The following WDFY4 variants were observed in gnomAD, a reference collection of about 807,000 sequenced individuals.
The protein encoded by WDFY4 is WDFY family member 4, also known as WD repeat- and FYVE domain-containing protein 4.
A neutral mutation model predicts 351.9 loss-of-function variants in WDFY4; 169 were observed. The ratio of observed to expected loss-of-function variants is 0.48; its 90% CI spans 0.42 to 0.55. The LOEUF (loss-of-function observed/expected upper bound fraction) is 0.55, where lower values mean the gene tolerates loss of function less well. Among genes scored for constraint, WDFY4 ranks in the 20% least tolerant of loss-of-function variants. WDFY4 has a pLI of 0.00. For synonymous variants in WDFY4, 1,622 were observed against 1,574.6 expected, an observed-to-expected ratio of 1.03 and a Z score of -0.71; for missense variants, 3,803 against 3,935.6, an observed-to-expected ratio of 0.97 and a Z score of 0.90.
chr10:48,778,565 A>G (rs1209250380), intron 17 of WDFY4, 46 bp from the exon 18 acceptor site: 2 of 1,529,148 alleles, frequency 1.3e-6, no homozygotes, highest in East Asian at 4.9e-5. Flanking sequence ...ATGCATGCTC[A>G]GCAGGGCAGA....
At chr10:48,901,721 C>A in intron 46 of WDFY4, 80 bp from the exon 47 acceptor site, 2 of 1,459,206 alleles carry the variant, frequency 1.4e-6, no homozygotes, top group Non-Finnish European at 1.9e-6. Flanking sequence ...TAGCTTCCTG[C>A]CTGACTCCGG....
intron 11 of WDFY4, 82 bp downstream of exon 11, chr10:48,736,152 A>G: frequency 6.6e-7 from 1 of 1,505,230 alleles, no homozygotes. Flanking sequence ...ATTTGTATTC[A>G]TGTAATTCAG....
At chr10:48,842,405 G>A (rs1445593448) in intron 39 of WDFY4, among the ~76,000 whole-genome samples, 1 of 152,104 alleles carries the variant, frequency 6.6e-6, no homozygotes, top group African/African-American at 2.4e-5. Context: ...CTGTGCCAGA[G>A]ACAGCAGTCG....
At chr10:48,886,374 G>A (rs1433922476) in intron 43 of WDFY4, among the ~76,000 whole-genome samples, 5 of 152,162 alleles carry the variant, frequency 3.3e-5, no homozygotes, top group Admixed American at 1.3e-4. Context: ...CAAAATTCTT[G>A]TGTTGGAAAC....
intron 57 of WDFY4, among the ~76,000 whole-genome samples, chr10:48,974,527 A>AAAAAAAAAAAAAAAAAAAAAAAACAAC: frequency 1.3e-4 from 3 of 23,146 alleles, no homozygotes; most frequent in African/African-American, 2.2e-4. Flanking sequence ...AAAAAAAAAA[A>AAAAAAAAAAAAAAAAAAAAAAAACAAC]AACAACTCAT....
intron 29 of WDFY4, 43 bp from the exon 30 acceptor site, chr10:48,811,496 C>T: frequency 1.9e-6 from 3 of 1,538,622 alleles, no homozygotes; most frequent in Non-Finnish European, 2.6e-6. Context: ...TGACCAGCAG[C>T]TGTTCTCAGC....
chr10:48,806,070 C>A lies in WDFY4; in HGVS notation c.4713C>A (p.Asp1571Glu). 1 of 1,551,640 alleles carries A rather than the reference C, an allele frequency of 6.4e-7. No homozygotes were observed. The highest frequency in any genetic ancestry group is 8.7e-7 in the Non-Finnish European group (1 of 1,146,990). The change falls in exon 27 of 62, where the codon GAC (aspartate) becomes GAA (glutamate). Residue 1571 changes from aspartate to glutamate, a missense_variant. Physicochemically the swap from Asp to Glu is conservative, Grantham distance 45 (BLOSUM62 2). This residue lies in a region of WDFY4 where 3,054 missense variants were observed against 3,148.6 expected (regional missense o/e 0.97). Transcript: ENST00000325239. The stretch of plus-strand genomic sequence containing the variant: ...TGAATGAGAGGCAGATCTGCATGGA[C>A]GGAGCCCTGGACCCTTCCCTGCCTG... Reference protein sequence around the residue: ...SSVNERQICMDGALDPSLPAG... With the variant: ...SSVNERQICMEGALDPSLPAG...
intron 39 of WDFY4, among the ~76,000 whole-genome samples, chr10:48,857,746 A>C (rs533789618): frequency 6.6e-6 from 1 of 151,812 alleles, no homozygotes; most frequent in Non-Finnish European, 1.5e-5. Flanking sequence ...ATGTTTATTC[A>C]CATCTTTTGT....
chr10:48,930,806 C>T (rs1179169812), intron 47 of WDFY4, among the ~76,000 whole-genome samples: 3 of 151,718 alleles, frequency 2.0e-5, no homozygotes, highest in Non-Finnish European at 4.4e-5. Flanking sequence ...AAAATTATTT[C>T]CCAAAAATGT....
At chr10:48,702,161 C>T (rs2132151938) in intron 1 of WDFY4, among the ~76,000 whole-genome samples, 1 of 152,264 alleles carries the variant, frequency 6.6e-6, no homozygotes, top group Admixed American at 6.5e-5. Flanking sequence ...ATTTTCATCT[C>T]TGTATCATCT....
At chr10:48,792,935 G>A (rs950175945) in intron 23 of WDFY4, among the ~76,000 whole-genome samples, 1 of 152,174 alleles carries the variant, frequency 6.6e-6, no homozygotes, top group Non-Finnish European at 1.5e-5. Flanking sequence ...TGCCTTGAGA[G>A]GAGGAACTAT....
intron 43 of WDFY4, among the ~76,000 whole-genome samples, chr10:48,882,815 C>G (rs1425178592): frequency 6.6e-6 from 1 of 152,180 alleles, no homozygotes; most frequent in Non-Finnish European, 1.5e-5. Flanking sequence ...TCAAACAGCT[C>G]CCTCTAGCCC....
At chr10:48,868,521 A>G (rs2069638206) in intron 40 of WDFY4, among the ~76,000 whole-genome samples, 1 of 152,182 alleles carries the variant, frequency 6.6e-6, no homozygotes, top group Non-Finnish European at 1.5e-5. Context: ...TTGCTGGCCT[A>G]TATGTGTGTC....
At chr10:48,824,275 G>A in intron 35 of WDFY4, 1 of 771,504 alleles carries the variant, frequency 1.3e-6, no homozygotes, top group Non-Finnish European at 1.6e-6. Context: ...GTACAGTGGG[G>A]TAACTTAGCG....
In WDFY4 at chr10:48,793,509, T is replaced by C. The variant is rs148178367; in HGVS notation, c.4257+2592T>C. Among the ~76,000 whole-genome samples the C allele has an allele frequency of 4.6e-5, 7 of 152,314 alleles. No homozygotes were observed. In the East Asian group the frequency reaches 1.3e-3, roughly 29 times the overall value. ...TTGCTTTTGTTTTTTTAAACTTTCTTGTCCACTCTTTATAAAATGCAACCT... is the reference window on the plus strand; with the variant it reads ...TTGCTTTTGTTTTTTTAAACTTTCTCGTCCACTCTTTATAAAATGCAACCT... On this transcript the variant is annotated intron_variant, in intron 23 of 61. Transcript: ENST00000325239.
intron 15 of WDFY4, 111 bp downstream of exon 15, chr10:48,775,917 T>C (rs1435045939): frequency 2.0e-6 from 2 of 993,020 alleles, no homozygotes; most frequent in Non-Finnish European, 3.0e-6. Context: ...TTAAACATGG[T>C]TTTGTCTGCT....
intron 35 of WDFY4, among the ~76,000 whole-genome samples, chr10:48,826,441 G>A (rs893769044): frequency 2.0e-5 from 3 of 152,014 alleles, no homozygotes; most frequent in Admixed American, 2.0e-4. Flanking sequence ...GGATTGTCTT[G>A]GCTATATGAG....
intron 52 of WDFY4, among the ~76,000 whole-genome samples, chr10:48,958,509 G>A (rs1276854793): frequency 6.6e-6 from 1 of 152,150 alleles, no homozygotes; most frequent in Non-Finnish European, 1.5e-5. Flanking sequence ...CTGCAGAAAT[G>A]ATGGCTCCTA....
chr10:48,852,646 A>G lies in WDFY4; in HGVS notation c.6664-14619A>G, dbSNP rs1157304022. The stretch of plus-strand genomic sequence containing the variant: ...CTCCACTCTAGAAACGGAAGCCATG[A>G]GGTGTGAACCATCTCACTCTCCGTG... On this transcript the variant is annotated intron_variant, in intron 39 of 61. Transcript: ENST00000325239. Among the ~76,000 whole-genome samples, 3 of 152,144 alleles carry G rather than the reference A, an allele frequency of 2.0e-5. No homozygotes were observed. In the East Asian group the frequency reaches 5.8e-4, roughly 29 times the overall value.
Sources: gnomAD v4.1 joint callset for allele counts (sites outside exome capture counted in the v4.1 genomes callset) on GRCh38, gnomAD v4.1.1 for gene constraint, gnomAD v4.1.1 regional missense constraint, MANE v1.5 for transcripts, NCBI Gene and HGNC (gene_info 2026-07-23, HGNC 2026-07-21) for gene names.